The following RABGGTB variants were observed in gnomAD, a reference collection of about 807,000 sequenced individuals.
RABGGTB encodes the protein Rab geranylgeranyltransferase subunit beta.
A neutral mutation model predicts 44.5 loss-of-function variants in RABGGTB; 20 were observed. The ratio of observed to expected loss-of-function variants is 0.45; its 90% CI spans 0.32 to 0.65. RABGGTB has a LOEUF of 0.65. Among genes scored for constraint, RABGGTB ranks in the 30% least tolerant of loss-of-function variants. RABGGTB has a pLI of 0.05. For missense variants in RABGGTB, 302 were observed against 398.7 expected (o/e 0.76, Z 2.06); for synonymous variants, 128 against 136.7 (o/e 0.94, Z 0.44).
intron 6 of RABGGTB, 85 bp from the exon 7 acceptor site, chr1:75,792,095 TA>T (rs1649659385): frequency 1.7e-6 from 2 of 1,187,722 alleles, no homozygotes; most frequent in Admixed American, 4.2e-5. Context: ...ACTTAAGATA[TA>T]AAGTGGTGTT....
rs981641782 is a variant in RABGGTB, at chr1:75,794,737, C to G, written c.*87C>G. On this transcript the variant is annotated 3_prime_UTR_variant, in exon 9 of 9. Transcript: ENST00000319942. ...TGCTTATCGAATCTAAAAGTGACTACTGTTAATATTTTGTATATTGTGTTA... is the reference window on the plus strand; with the variant it reads ...TGCTTATCGAATCTAAAAGTGACTAGTGTTAATATTTTGTATATTGTGTTA... 2 of 1,094,404 alleles carry G rather than the reference C, an allele frequency of 1.8e-6. No homozygotes were observed. The highest frequency in any genetic ancestry group is 3.2e-5 in the African/African-American group (2 of 62,022). 67.8% of individuals were successfully genotyped at this position (1,094,404 alleles called of 1,614,324 possible).
intron 2 of RABGGTB, chr1:75,787,840 G>T (rs1649537817): frequency 1.4e-6 from 1 of 701,714 alleles, no homozygotes; most frequent in Non-Finnish European, 2.6e-6. Flanking sequence ...ATGAGGGTTT[G>T]AGGTACAAAA....
intron 3 of RABGGTB, 28 bp from the exon 4 acceptor site, chr1:75,789,924 A>G: frequency 2.0e-6 from 3 of 1,512,572 alleles, no homozygotes; most frequent in East Asian, 2.3e-5. Flanking sequence ...TGAAAGGGAC[A>G]TTTACCTAAT....
chr1:75,791,614 G>A, intron 6 of RABGGTB, 43 bp downstream of exon 6: 3 of 1,500,196 alleles, frequency 2.0e-6, no homozygotes, highest in Non-Finnish European at 2.7e-6. Context: ...CATTTTGGAA[G>A]CCAGTGTAGT....
Position 75,786,275 on chromosome 1 carries a change from G to GC in RABGGTB, c.3+1_3+2insC. 4 of 1,614,232 alleles carry GC rather than the reference G, an allele frequency of 2.5e-6. No homozygotes were observed. The highest frequency in any genetic ancestry group is 3.4e-6 in the Non-Finnish European group (4 of 1,180,032). On this transcript the variant is annotated splice_donor_variant, in intron 1 of 8. Transcript: ENST00000319942. LOFTEE classifies it high-confidence loss of function. ...CTCTCTCCTTTCCCTGTTAGACATG[G>GC]TAAGTGTGAGTTTAGCGCTGCTGTC...
chr1:75,792,970 C>T (rs1048183840), intron 7 of RABGGTB, among the ~76,000 whole-genome samples: 4 of 152,192 alleles, frequency 2.6e-5, no homozygotes, highest in African/African-American at 9.6e-5. Flanking sequence ...GGACTACAGG[C>T]GCACGGCTAA....
chr1:75,787,240 G>T, intron 1 of RABGGTB: 1 of 636,514 alleles, frequency 1.6e-6, no homozygotes, highest in Non-Finnish European at 2.9e-6. Flanking sequence ...TGTTGTTTTG[G>T]TTTTGTTTTT....
intron 1 of RABGGTB, 159 bp from the exon 2 acceptor site, chr1:75,787,338 T>C (rs1201489050): frequency 1.6e-6 from 1 of 637,390 alleles, no homozygotes; most frequent in African/African-American, 1.9e-5. Context: ...AGCGATCTTC[T>C]ACCTCAGCCT....
rs200600135 is a variant in RABGGTB at position 75,794,339 on chromosome 1, G to GT, written c.855+115dup. The stretch of plus-strand genomic sequence containing the variant: ...CATTCCGAGTGTTGCTTTGAAAGCA[G>GT]TTTTTTTTTCTATTTATTGTAGAGT... On this transcript the variant is annotated intron_variant, in intron 8 of 8. Transcript: ENST00000319942. The GT allele has an allele frequency of 3.7e-3, 4,964 of 1,356,170 alleles. 15 individuals are homozygous for GT. The highest frequency in any genetic ancestry group is 0.028 in the African/African-American group (1,908 of 68,224). The allele number at this position is 1,356,170 out of a possible 1,614,324, so 84.0% of individuals were successfully genotyped here.
Position 75,794,129 on chromosome 1 carries a change from A to G in RABGGTB, c.751A>G (p.Ile251Val). 1 of 1,613,984 alleles carries G rather than the reference A, an allele frequency of 6.2e-7. No homozygotes were observed. Among genetic ancestry groups the G allele is most frequent in the Non-Finnish European group, 8.5e-7 (1 of 1,179,878 alleles). ...YSWWVLASLK[I>V]IGRLHWIDRE... ...ATGGTGGGTCCTGGCTTCCCTAAAG[A>G]TAATTGGAAGACTTCATTGGATTGA... is the stretch of plus-strand genomic sequence containing the variant. Residue 251 changes from isoleucine to valine, a missense_variant, in exon 8 of 9, where the codon ATA becomes GTA. By Grantham distance (29) the Ile-to-Val change is conservative (BLOSUM62 3). Around this residue, in one of 2 missense-constraint regions of RABGGTB, gnomAD observed 213 missense variants for 323.7 expected, o/e 0.66. Transcript: ENST00000319942.
intron 2 of RABGGTB, chr1:75,788,956 T>C (rs1343262218): frequency 1.7e-6 from 1 of 573,866 alleles, no homozygotes; most frequent in Non-Finnish European, 3.1e-6. Context: ...TCTCAGATAA[T>C]TGTTTTTTTC....
intron 2 of RABGGTB, 111 bp downstream of exon 2, chr1:75,787,715 T>C: frequency 1.2e-6 from 1 of 849,360 alleles, no homozygotes; most frequent in Non-Finnish European, 1.9e-6. Flanking sequence ...TGCAGAGAAC[T>C]GAGGATGTGC....
Position 75,790,075 on chromosome 1 carries a change from C to A in RABGGTB, c.415+18C>A. 2 of 1,608,760 alleles carry A rather than the reference C, an allele frequency of 1.2e-6. No homozygotes were observed. Among genetic ancestry groups the A allele is most frequent in the Non-Finnish European group, 1.7e-6 (2 of 1,177,250 alleles). ...TATTTGGGGTAATGTCAGATTTAGT[C>A]CATTCTACCCAAAATACCAATATTA... On this transcript the variant is annotated intron_variant, in intron 4 of 8. Coordinates refer to ENST00000319942, the MANE Select transcript of RABGGTB (RefSeq NM_004582.4).
At position 75,787,594 on chromosome 1, in the gene RABGGTB, A is replaced by C. The variant is rs1649530470; in HGVS notation, c.101A>C (p.Lys34Thr). The change falls in exon 2 of 9, where the codon AAA (lysine) becomes ACA (threonine). Residue 34 changes from lysine to threonine, a missense_variant. This residue lies in a region of RABGGTB where 89 missense variants were observed against 75.0 expected (regional missense o/e 1.19). Transcript: ENST00000319942. ...ADYIASYGSKKDDYEYCMSEY... is the reference protein window; with the variant it reads ...ADYIASYGSKTDDYEYCMSEY... Reference sequence around the variant, plus strand: ...TATATCGCATCCTATGGCTCAAAGAAAGATGATTATGTATGTATAATTTTT... The same window carrying C: ...TATATCGCATCCTATGGCTCAAAGACAGATGATTATGTATGTATAATTTTT... The C allele has an allele frequency of 6.2e-7, 1 of 1,609,598 alleles. No individual in the cohort carries two copies.
Position 75,791,961 on chromosome 1 carries a change from T to C in RABGGTB, c.580-220T>C, listed in dbSNP as rs563520394. 2.6e-5 allele frequency: 12 copies of C among 455,770 alleles called. No homozygotes were observed. The South Asian group carries it at 4.3e-4, about 16-fold the overall frequency. The allele number at this position is 455,770 out of a possible 1,614,324, so 28.2% of individuals were successfully genotyped here. ...ATGGATGGCTGTGAAATACTAGCCA[T>C]GAAGAAATTTTGACAATAATATTTC... On this transcript the variant is annotated intron_variant, in intron 6 of 8. Coordinates refer to ENST00000319942, the MANE Select transcript of RABGGTB (RefSeq NM_004582.4).
chr1:75,786,224 C>T (rs779881751), upstream of RABGGTB: 4 of 1,613,380 alleles, frequency 2.5e-6, no homozygotes, highest in East Asian at 4.5e-5. Flanking sequence ...CGCCCGGCTC[C>T]TAAGTCTACC....
chr1:75,788,143 A>C (rs1451298335), intron 2 of RABGGTB: 2 of 303,586 alleles, frequency 6.6e-6, no homozygotes, highest in East Asian at 7.7e-5. Flanking sequence ...TTTTTTACTT[A>C]AGTGTTAGGT....
intron 1 of RABGGTB, 168 bp from the exon 2 acceptor site, chr1:75,787,329 G>A (rs1649519401): frequency 8.0e-6 from 5 of 628,164 alleles, no homozygotes; most frequent in Non-Finnish European, 1.1e-5. Context: ...CCTGGCTCAA[G>A]CGATCTTCTA....
chr1:75,794,039 G>A (rs200539251), intron 7 of RABGGTB, 45 bp from the exon 8 acceptor site: 41 of 1,491,870 alleles, frequency 2.7e-5, no homozygotes, highest in Middle Eastern at 3.9e-4. Context: ...TCAAAATTAG[G>A]GAAATAAAAG....
Sources: allele counts gnomAD v4.1 joint callset (sites outside exome capture counted in the v4.1 genomes callset), GRCh38; gene constraint gnomAD v4.1.1; regional missense constraint gnomAD v4.1.1; transcripts MANE v1.5; gene names NCBI Gene and HGNC (gene_info 2026-07-23, HGNC 2026-07-21).